The following STK32B variants were observed in gnomAD, a reference collection of about 807,000 sequenced individuals.
STK32B encodes the protein serine/threonine kinase 32B.
In STK32B, 43 loss-of-function variants were observed where a neutral mutation model predicts 52.6. The ratio of observed to expected loss-of-function variants is 0.82; its 90% CI spans 0.64 to 1.05. The LOEUF is 1.05. Among genes scored for constraint, STK32B ranks in the 50% least tolerant of loss-of-function variants. The pLI is 0.00. For synonymous variants in STK32B, 238 were observed against 204.3 expected (o/e 1.17, Z -1.41); for missense variants, 621 against 534.6 (o/e 1.16, Z -1.59).
At chr4:5,408,350 T>G (rs1737811128) in intron 5 of STK32B, among the ~76,000 whole-genome samples, 1 of 152,056 alleles carries the variant, frequency 6.6e-6, no homozygotes. Flanking sequence ...GTTGTTTAAA[T>G]GCAGGTAGCA....
At chr4:5,495,890 G>A (rs535092108) in intron 11 of STK32B, among the ~76,000 whole-genome samples, 2 of 152,290 alleles carry the variant, frequency 1.3e-5, no homozygotes, top group South Asian at 4.2e-4. Context: ...GCAGAACAGC[G>A]GGTTTTCCTG....
chr4:5,201,285 G>C (rs1238734944), intron 3 of STK32B, among the ~76,000 whole-genome samples: 2 of 152,270 alleles, frequency 1.3e-5, no homozygotes, highest in East Asian at 1.9e-4. Flanking sequence ...CCCTTCTCCT[G>C]TTTCTGGGGG....
At chr4:5,128,892 C>T (rs764868682) in intron 1 of STK32B, among the ~76,000 whole-genome samples, 2 of 152,226 alleles carry the variant, frequency 1.3e-5, no homozygotes, top group African/African-American at 4.8e-5. Flanking sequence ...GACCTGTGAA[C>T]AGGGTGCAGT....
At chr4:5,356,888 C>T (rs1000703399) in intron 4 of STK32B, among the ~76,000 whole-genome samples, 1 of 152,100 alleles carries the variant, frequency 6.6e-6, no homozygotes, top group African/African-American at 2.4e-5. Context: ...GTCCCAGCTA[C>T]TCAGGAGGCT....
intron 3 of STK32B, among the ~76,000 whole-genome samples, chr4:5,208,156 G>GGTAC (rs1722693895): frequency 1.3e-5 from 2 of 151,806 alleles, no homozygotes; most frequent in South Asian, 4.2e-4. Flanking sequence ...GTAGGTTGAT[G>GGTAC]GTACCTCTTG....
At chr4:5,274,285 A>G (rs1727657887) in intron 3 of STK32B, among the ~76,000 whole-genome samples, 3 of 152,202 alleles carry the variant, frequency 2.0e-5, no homozygotes, top group African/African-American at 7.2e-5. Flanking sequence ...CGAGACACAC[A>G]AATAGATCAA....
At chr4:5,250,688 A>C (rs562864902) in intron 3 of STK32B, among the ~76,000 whole-genome samples, 1 of 152,210 alleles carries the variant, frequency 6.6e-6, no homozygotes. Flanking sequence ...CCAGCAGTGT[A>C]TAAGCATTCC....
chr4:5,198,998 G>A (rs541750505), intron 3 of STK32B, among the ~76,000 whole-genome samples: 1 of 152,088 alleles, frequency 6.6e-6, no homozygotes, highest in Non-Finnish European at 1.5e-5. Flanking sequence ...TTTCCATTTT[G>A]TCCACACCCT....
upstream of STK32B, among the ~76,000 whole-genome samples, chr4:5,050,037 A>G (rs919543697): frequency 6.6e-6 from 1 of 152,190 alleles, no homozygotes; most frequent in African/African-American, 2.4e-5. Flanking sequence ...AGCAGAATGA[A>G]ACCTGGGTAG....
At chr4:5,372,178 AAAGTC>A (rs1676578202) in intron 4 of STK32B, among the ~76,000 whole-genome samples, 1 of 152,240 alleles carries the variant, frequency 6.6e-6, no homozygotes, top group African/African-American at 2.4e-5. Context: ...GTGAGAAAGT[AAAGTC>A]AAAGGATTGG....
chr4:5,051,819 G>C lies in STK32B; in HGVS notation c.-45G>C. ...GCGCGCGTCCCACATCCCGCATCCGGCATCCCAGCGGCCGGGCATGTAGCA... is the reference window on the plus strand; with the variant it reads ...GCGCGCGTCCCACATCCCGCATCCGCCATCCCAGCGGCCGGGCATGTAGCA... On this transcript the variant is annotated 5_prime_UTR_variant, in exon 1 of 12. Coordinates refer to ENST00000282908, the MANE Select transcript of STK32B (RefSeq NM_018401.3). 6.4e-7 allele frequency: 1 copy of C among 1,568,388 alleles called. No homozygotes were observed. Among genetic ancestry groups the C allele is most frequent in the Non-Finnish European group, 8.6e-7 (1 of 1,157,646 alleles).
At chr4:5,086,075 T>C (rs1712716558) in intron 1 of STK32B, among the ~76,000 whole-genome samples, 1 of 152,178 alleles carries the variant, frequency 6.6e-6, no homozygotes, top group African/African-American at 2.4e-5. Context: ...TGATAGATAA[T>C]AGTTGGTGCA....
At chr4:5,120,707 GTTAGTGACAAA>G (rs1002257011) in intron 1 of STK32B, among the ~76,000 whole-genome samples, 1 of 152,068 alleles carries the variant, frequency 6.6e-6, no homozygotes, top group African/African-American at 2.4e-5. Context: ...GATTTCCTGT[GTTAGTGACAAA>G]TTACAACTAA....
chr4:5,280,552 C>T (rs1165732499), intron 3 of STK32B, among the ~76,000 whole-genome samples: 1 of 152,164 alleles, frequency 6.6e-6, no homozygotes. Context: ...GAAATGCCCC[C>T]ACCTTTTTGG....
At chr4:5,163,081 A>C (rs1360308976) in intron 2 of STK32B, among the ~76,000 whole-genome samples, 1 of 152,216 alleles carries the variant, frequency 6.6e-6, no homozygotes, top group East Asian at 1.9e-4. Context: ...AGCTGCTTTG[A>C]GGATTCAGAC....
intron 3 of STK32B, among the ~76,000 whole-genome samples, chr4:5,289,977 C>T (rs1168360135): frequency 6.6e-6 from 1 of 151,932 alleles, no homozygotes; most frequent in Non-Finnish European, 1.5e-5. Flanking sequence ...AAGCATAGTA[C>T]CCAATAGGTA....
At chr4:5,365,934 C>T (rs913519673) in intron 4 of STK32B, among the ~76,000 whole-genome samples, 1 of 152,182 alleles carries the variant, frequency 6.6e-6, no homozygotes, top group Admixed American at 6.5e-5. Context: ...TGTGACTCAG[C>T]ACTCCACACT....
chr4:5,405,042 A>G (rs143268882), intron 5 of STK32B, among the ~76,000 whole-genome samples: 5,096 of 151,294 alleles, frequency 0.034, 312 homozygotes, highest in African/African-American at 0.12. Context: ...AAGTTTTTGT[A>G]TTTTTGGTAG....
intron 4 of STK32B, among the ~76,000 whole-genome samples, chr4:5,344,809 G>T (rs529336803): frequency 6.6e-6 from 1 of 151,568 alleles, no homozygotes; most frequent in East Asian, 1.9e-4. Context: ...AAGACACTTC[G>T]CATTTCTCAA....
Sources: gnomAD v4.1 joint callset for allele counts (sites outside exome capture counted in the v4.1 genomes callset) on GRCh38, gnomAD v4.1.1 for gene constraint, MANE v1.5 for transcripts, NCBI Gene and HGNC (gene_info 2026-07-23, HGNC 2026-07-21) for gene names.